MCM3: variants seen among roughly 807,000 people sequenced by gnomAD.
MCM3 encodes the protein DNA replication licensing factor MCM3.
MCM3 carries 59 observed loss-of-function variants against 91.3 expected under a neutral mutation model. The ratio of observed to expected loss-of-function variants is 0.65; its 90% CI spans 0.52 to 0.80. MCM3 has a LOEUF of 0.80. MCM3 is among the 30% of genes least tolerant of loss of function. MCM3 has a pLI of 0.00. For missense variants in MCM3, 919 were observed against 1,035.4 expected (o/e 0.89, Z 1.54); for synonymous variants, 383 against 379.6 (o/e 1.01, Z -0.10).
chr6:52,276,328 G>A lies in MCM3; in HGVS notation c.1314C>T (p.Ile438=). 2 of 1,613,556 alleles carry A rather than the reference G, an allele frequency of 1.2e-6. No individual in the cohort carries two copies. The highest frequency in any genetic ancestry group is 1.7e-6 in the Non-Finnish European group (2 of 1,180,026). The change falls in exon 9 of 17, where the codon ATC becomes ATT. Residue 438 remains isoleucine, a synonymous_variant. Transcript: ENST00000596288. ...QGRVTIAKAG[I]HARLNARCSV... is the part of the protein sequence containing the mutation. ...TGCAGCGGGCATTCAGCCGAGCATG[G>A]ATGCCAGCCTTGGCAATGGTCACTC...
Position 52,269,211 on chromosome 6 carries a change from C to T in MCM3, c.1843G>A (p.Ala615Thr). 1 of 1,611,240 alleles carries T rather than the reference C, an allele frequency of 6.2e-7. No individual in the cohort carries two copies. Among genetic ancestry groups the T allele is most frequent in the Non-Finnish European group, 8.5e-7 (1 of 1,177,712 alleles). Reference sequence around the variant, plus strand: ...CGAATCAGAGTTTCCAGTGTTCGGGCTGTAACTGGAGATGTCTAGGGAAGA... The same window carrying T: ...CGAATCAGAGTTTCCAGTGTTCGGGTTGTAACTGGAGATGTCTAGGGAAGA... ...SDTARTSPVT[A>T]RTLETLIRLA... Residue 615 changes from alanine to threonine, a missense_variant, in exon 13 of 17, where the codon GCC (alanine) becomes ACC (threonine). Physicochemically the swap from Ala to Thr is moderately conservative, Grantham distance 58. Transcript: ENST00000596288.
chr6:52,278,624 A>G (rs538479131), intron 6 of MCM3, 118 bp downstream of exon 6: 2 of 622,520 alleles, frequency 3.2e-6, no homozygotes, highest in Non-Finnish European at 5.5e-6. Flanking sequence ...ACAAAAATAG[A>G]AAAAGCTAAC....
intron 9 of MCM3, among the ~76,000 whole-genome samples, chr6:52,274,801 ACAGT>A (rs1447983232): frequency 6.6e-6 from 1 of 152,122 alleles, no homozygotes; most frequent in African/African-American, 2.4e-5. Flanking sequence ...CATACACTTC[ACAGT>A]CAGAGAACAT....
At position 52,282,090 on chromosome 6, in the gene MCM3, G is replaced by A; in HGVS notation, c.486C>T (p.Leu162=). Residue 162 remains leucine, a synonymous_variant, in exon 4 of 17, where the codon CTC becomes CTT. Coordinates refer to ENST00000596288, the MANE Select transcript of MCM3 (RefSeq NM_002388.6). Reference sequence around the variant, plus strand: ...TGGAGGGAAAGGCCACCAGGGTGGTGAGATCAGAATAACGTCGCTCTATGG... The same window carrying A: ...TGGAGGGAAAGGCCACCAGGGTGGTAAGATCAGAATAACGTCGCTCTATGG... ...KKTIERRYSD[L]TTLVAFPSSS... 6.2e-7 allele frequency: 1 copy of A among 1,614,090 alleles called. No homozygotes were observed. The highest frequency in any genetic ancestry group is 1.3e-5 in the African/African-American group (1 of 75,042).
At chr6:52,282,953 C>T (rs1451376509) in intron 2 of MCM3, 92 bp from the exon 3 acceptor site, 10 of 905,326 alleles carry the variant, frequency 1.1e-5, no homozygotes, top group Non-Finnish European at 1.7e-5. Flanking sequence ...TCATTAAAAA[C>T]AATGAGAAAA....
At position 52,279,419 on chromosome 6, in the gene MCM3, C is replaced by T. The variant is rs1220448909; in HGVS notation, c.712G>A (p.Val238Met). The T allele has an allele frequency of 6.2e-7, 1 of 1,614,212 alleles. No homozygotes were observed. The highest frequency in any genetic ancestry group is 1.7e-5 in the Admixed American group (1 of 60,030). Residue 238 changes from valine (V) to methionine (M), a missense_variant, in exon 5 of 17, where the codon GTG (valine) becomes ATG (methionine). Physicochemically the swap from Val to Met is conservative, Grantham distance 21. This residue lies in a region of MCM3 where 401 missense variants were observed against 402.7 expected (regional missense o/e 1.00). Coordinates refer to ENST00000596288, the MANE Select transcript of MCM3 (RefSeq NM_002388.6). The part of the protein sequence containing the change: ...KAKPGDRVQV[V>M]GTYRCLPGKK... ...CCAGGAAGGCAACGGTAGGTTCCCA[C>T]CACCTGAACCCGGTCACCAGGCTTC...
chr6:52,282,302 A>G, intron 3 of MCM3, 127 bp from the exon 4 acceptor site: 3 of 827,646 alleles, frequency 3.6e-6, no homozygotes, highest in Admixed American at 2.4e-5. Context: ...CGATATTTCA[A>G]TATTACCTTT....
chr6:52,269,649 A>G (rs1038354809), intron 12 of MCM3, among the ~76,000 whole-genome samples: 1 of 152,190 alleles, frequency 6.6e-6, no homozygotes, highest in African/African-American at 2.4e-5. Flanking sequence ...CTTCAAGGAG[A>G]TTTTCCAAAG....
chr6:52,282,759 G>A lies in MCM3; in HGVS notation c.294C>T (p.Phe98=). ...DATYAKQYEE[F]YVGLEGSFGS... is the part of the protein sequence containing the mutation. ...CAAAGCTGCCTTCCAGTCCTACGTAGAACTCCTCATACTGCTTGGCATAGG... is the reference window on the plus strand; with the variant it reads ...CAAAGCTGCCTTCCAGTCCTACGTAAAACTCCTCATACTGCTTGGCATAGG... The change falls in exon 3 of 17, where the codon TTC becomes TTT. Residue 98 remains phenylalanine (F), a synonymous_variant. Coordinates refer to ENST00000596288, the MANE Select transcript of MCM3 (RefSeq NM_002388.6). 1 of 1,614,042 alleles carries A rather than the reference G, an allele frequency of 6.2e-7. No homozygotes were observed.
chr6:52,269,407 G>A (rs1194292158), intron 12 of MCM3, among the ~76,000 whole-genome samples, 181 bp from the exon 13 acceptor site: 2 of 152,188 alleles, frequency 1.3e-5, no homozygotes, highest in Admixed American at 6.5e-5. Context: ...CAATGATCAA[G>A]GAAATATACA....
rs1765565042 is a variant in MCM3 at position 52,276,383 on chromosome 6, G to A, written c.1259C>T (p.Thr420Ile). Residue 420 changes from threonine to isoleucine, a missense_variant, in exon 9 of 17, where the codon ACA (threonine) becomes ATA (isoleucine). Thr to Ile is a moderately conservative substitution (Grantham distance 89, BLOSUM62 -1). This residue lies in a region of MCM3 where 233 missense variants were observed against 321.2 expected (regional missense o/e 0.73). Transcript: ENST00000596288. ...EFDKMSDMDRTAIHEVMEQGR... is the reference protein window; with the variant it reads ...EFDKMSDMDRIAIHEVMEQGR... ...CTGCTCCATCACTTCATGGATGGCTGTGCGATCCATGTCAGACATTTTGTC... is the reference window on the plus strand; with the variant it reads ...CTGCTCCATCACTTCATGGATGGCTATGCGATCCATGTCAGACATTTTGTC... The A allele has an allele frequency of 6.2e-7, 1 of 1,614,126 alleles. No homozygotes were observed. The highest frequency in any genetic ancestry group is 2.2e-5 in the East Asian group (1 of 44,890).
chr6:52,266,725 G>A (rs1562373065), intron 14 of MCM3, 29 bp from the exon 15 acceptor site: 1 of 1,583,302 alleles, frequency 6.3e-7, no homozygotes, highest in Non-Finnish European at 8.7e-7. Context: ...TTAAGAGAGA[G>A]AAAGAGTTTG....
chr6:52,264,488 C>G lies in MCM3; in HGVS notation c.*100G>C. 1 of 1,280,150 alleles carries G rather than the reference C, an allele frequency of 7.8e-7. No homozygotes were observed. Among genetic ancestry groups the G allele is most frequent in the Non-Finnish European group, 1.1e-6 (1 of 895,884 alleles). The allele number at this position is 1,280,150 out of a possible 1,614,324, so 79.3% of individuals were successfully genotyped here. A position where few individuals can be genotyped will look rare whatever the true frequency, so the allele number is the denominator to read the frequency against. Reference sequence around the variant, plus strand: ...ATTCCTCGCCTTCAGTTGAATTCAACACTGTTAAGGGAGTAGAGGCAAAGA... The same window carrying G: ...ATTCCTCGCCTTCAGTTGAATTCAAGACTGTTAAGGGAGTAGAGGCAAAGA... On this transcript the variant is annotated 3_prime_UTR_variant, in exon 17 of 17. Coordinates refer to ENST00000596288, the MANE Select transcript of MCM3 (RefSeq NM_002388.6).
chr6:52,267,773 G>A lies in MCM3; in HGVS notation c.2072+92C>T, dbSNP rs549432771. 4.5e-4 allele frequency: 318 copies of A among 710,162 alleles called. 4 individuals are homozygous for A. The highest frequency in any genetic ancestry group is 2.8e-3 in the Middle Eastern group (12 of 4,334). The allele number at this position is 710,162 out of a possible 1,614,324, so 44.0% of individuals were successfully genotyped here. On this transcript the variant is annotated intron_variant, in intron 14 of 16. Coordinates refer to ENST00000596288, the MANE Select transcript of MCM3 (RefSeq NM_002388.6). Reference sequence around the variant, plus strand: ...ACTCCTGGACTCAAGTGACCCACCCGCCTCGGCCTCCCAAATTGCTAAGAT... The same window carrying A: ...ACTCCTGGACTCAAGTGACCCACCCACCTCGGCCTCCCAAATTGCTAAGAT...
intron 4 of MCM3, 88 bp downstream of exon 4, chr6:52,281,957 G>T: frequency 2.2e-6 from 3 of 1,359,300 alleles, no homozygotes; most frequent in East Asian, 2.4e-5. Flanking sequence ...ACAGAAAAAA[G>T]ACTTCAGATA....
intron 11 of MCM3, among the ~76,000 whole-genome samples, chr6:52,272,657 G>A (rs954112032): frequency 6.6e-6 from 1 of 152,170 alleles, no homozygotes; most frequent in Non-Finnish European, 1.5e-5. Flanking sequence ...GGTAGTTTAG[G>A]CAGAAAGTTT....
At chr6:52,265,653 G>A (rs1161826302) in intron 16 of MCM3, among the ~76,000 whole-genome samples, 1 of 151,614 alleles carries the variant, frequency 6.6e-6, no homozygotes, top group Non-Finnish European at 1.5e-5. Flanking sequence ...GGAGTTTCTT[G>A]GTGTCCAGTA....
intron 14 of MCM3, among the ~76,000 whole-genome samples, chr6:52,266,978 T>C (rs1260890239): frequency 6.6e-6 from 1 of 152,144 alleles, no homozygotes; most frequent in Non-Finnish European, 1.5e-5. Context: ...TTTTGAAGTA[T>C]ATATTCAAAA....
At chr6:52,276,194 T>C in intron 9 of MCM3, 74 bp downstream of exon 9, 2 of 1,375,514 alleles carry the variant, frequency 1.5e-6, no homozygotes, top group South Asian at 2.6e-5. Flanking sequence ...TCACCTAGAA[T>C]ACACTTCTCA....
Sources: gnomAD v4.1 joint callset for allele counts (sites outside exome capture counted in the v4.1 genomes callset) on GRCh38, gnomAD v4.1.1 for gene constraint, gnomAD v4.1.1 regional missense constraint, MANE v1.5 for transcripts, NCBI Gene and HGNC (gene_info 2026-07-23, HGNC 2026-07-21) for gene names.